FRMD3: variants seen among roughly 807,000 people sequenced by gnomAD.
The protein encoded by FRMD3 is FERM domain containing 3.
FRMD3 carries 33 observed loss-of-function variants against 70.2 expected under a neutral mutation model. The ratio of observed to expected loss-of-function variants is 0.47; its 90% CI spans 0.36 to 0.63. The LOEUF (loss-of-function observed/expected upper bound fraction) is 0.63, where lower values mean the gene tolerates loss of function less well. FRMD3 is among the 20% of genes least tolerant of loss of function. The pLI, the probability that FRMD3 is intolerant of heterozygous loss-of-function variation, is 0.00. For synonymous variants in FRMD3, 279 were observed against 255.9 expected (o/e 1.09, Z -0.86); for missense variants, 632 against 711.4 (o/e 0.89, Z 1.27).
chr9:83,266,764 G>A (rs1833274183), intron 13 of FRMD3, among the ~76,000 whole-genome samples: 2 of 152,138 alleles, frequency 1.3e-5, no homozygotes, highest in Non-Finnish European at 2.9e-5. Context: ...CTGCTGACTA[G>A]GGTGTAATTT....
chr9:83,559,034 GA>G, the FRMD3 span, among the ~76,000 whole-genome samples: 1 of 152,188 alleles, frequency 6.6e-6, no homozygotes, highest in African/African-American at 2.4e-5. Context: ...AGGATGCTGT[GA>G]CCACTGTTGA....
Position 83,313,003 on chromosome 9 carries a change from GA to G in FRMD3, c.684+656del, listed in dbSNP as rs1835422247. 2.0e-5 allele frequency among the ~76,000 whole-genome samples: 3 copies of G among 152,190 alleles called. No individual in the cohort carries two copies. In the South Asian group the frequency reaches 6.2e-4, roughly 31 times the overall value. Reference sequence around the variant, plus strand: ...GATAAAATGCTTAGTTTAGGATTAGGACTAGTGTCTGGCTGATGCATAGTCT... The same window carrying G: ...GATAAAATGCTTAGTTTAGGATTAGGCTAGTGTCTGGCTGATGCATAGTCT... On this transcript the variant is annotated intron_variant, in intron 7 of 13. Coordinates refer to ENST00000304195, the MANE Select transcript of FRMD3 (RefSeq NM_174938.6).
upstream of FRMD3, among the ~76,000 whole-genome samples, chr9:83,542,600 CT>C (rs1157541649): frequency 6.6e-6 from 1 of 152,102 alleles, no homozygotes; most frequent in African/African-American, 2.4e-5. Flanking sequence ...TATCAGCAAA[CT>C]TTTTTTAAAG....
chr9:83,313,647 G>A lies in FRMD3; in HGVS notation c.684+13C>T, dbSNP rs1035115839. 2 of 1,602,606 alleles carry A rather than the reference G, an allele frequency of 1.2e-6. No individual in the cohort carries two copies. The highest frequency in any genetic ancestry group is 1.7e-5 in the Admixed American group (1 of 60,000). The stretch of plus-strand genomic sequence containing the variant: ...CAACCATTATATGGTGACCTGCTGT[G>A]AGGGGCAGTTACCTTGCATGGGTGA... On this transcript the variant is annotated intron_variant, in intron 7 of 13. Coordinates refer to ENST00000304195, the MANE Select transcript of FRMD3 (RefSeq NM_174938.6).
At chr9:83,342,210 G>A (rs1302175862) in intron 5 of FRMD3, among the ~76,000 whole-genome samples, 1 of 152,182 alleles carries the variant, frequency 6.6e-6, no homozygotes, top group African/African-American at 2.4e-5. Context: ...TCACTTGGGT[G>A]TTGGGCCCAT....
At chr9:83,370,719 C>T (rs1247043535) in intron 3 of FRMD3, among the ~76,000 whole-genome samples, 1 of 152,154 alleles carries the variant, frequency 6.6e-6, no homozygotes, top group Non-Finnish European at 1.5e-5. Flanking sequence ...CGAGACCAGC[C>T]TGGCCAACAT....
At chr9:83,474,129 C>T (rs1306029448) in intron 1 of FRMD3, among the ~76,000 whole-genome samples, 1 of 152,140 alleles carries the variant, frequency 6.6e-6, no homozygotes, top group Non-Finnish European at 1.5e-5. Context: ...ACATGAAAAA[C>T]ACTTCAAAAA....
intron 1 of FRMD3, among the ~76,000 whole-genome samples, chr9:83,488,570 T>C (rs1253767891): frequency 1.3e-5 from 2 of 152,208 alleles, no homozygotes; most frequent in Admixed American, 6.5e-5. Flanking sequence ...AAAAATCAGA[T>C]GCCAATACTT....
intron 6 of FRMD3, among the ~76,000 whole-genome samples, chr9:83,320,080 A>G (rs1275753667): frequency 2.0e-5 from 3 of 152,298 alleles, no homozygotes; most frequent in Non-Finnish European, 2.9e-5. Context: ...GGTTTTCTAG[A>G]TAGAAACCAT....
At chr9:83,475,501 T>C (rs1316110119) in intron 1 of FRMD3, among the ~76,000 whole-genome samples, 2 of 152,172 alleles carry the variant, frequency 1.3e-5, no homozygotes, top group African/African-American at 4.8e-5. Flanking sequence ...ACAGAGTATT[T>C]GAATCTATGA....
intron 6 of FRMD3, among the ~76,000 whole-genome samples, chr9:83,317,204 AC>A: frequency 6.6e-6 from 1 of 151,602 alleles, no homozygotes; most frequent in Non-Finnish European, 1.5e-5. Flanking sequence ...ACACACACAC[AC>A]ACACACACAC....
At chr9:83,534,820 A>C (rs1829858599) in intron 1 of FRMD3, among the ~76,000 whole-genome samples, 2 of 152,222 alleles carry the variant, frequency 1.3e-5, no homozygotes, top group African/African-American at 4.8e-5. Context: ...CTGAGATGCC[A>C]GCCTCCCTGG....
chr9:83,490,377 C>T (rs890964178), intron 1 of FRMD3, among the ~76,000 whole-genome samples: 10 of 152,182 alleles, frequency 6.6e-5, no homozygotes, highest in Admixed American at 1.3e-4. Context: ...AAACCTCTGC[C>T]TTCCTGGTTC....
chr9:83,464,907 C>T (rs1336706732), intron 1 of FRMD3, among the ~76,000 whole-genome samples: 1 of 145,744 alleles, frequency 6.9e-6, no homozygotes, highest in Admixed American at 6.8e-5. Context: ...GTAATCCCAG[C>T]GACTCGGGAG....
the FRMD3 span, among the ~76,000 whole-genome samples, chr9:83,561,295 G>A: frequency 3.9e-5 from 6 of 152,308 alleles, no homozygotes; most frequent in African/African-American, 1.4e-4. Context: ...CCAAGCTCTT[G>A]CTGAATTTTT....
intron 2 of FRMD3, among the ~76,000 whole-genome samples, chr9:83,379,755 C>T (rs1165812579): frequency 6.6e-6 from 1 of 152,142 alleles, no homozygotes. Flanking sequence ...TCCTACCCCA[C>T]CTCACCCTCC....
At position 83,244,927 on chromosome 9, in the gene FRMD3, T is replaced by A; in HGVS notation, c.*2991A>T. 1.0e-6 allele frequency: 1 copy of A among 985,132 alleles called. No individual in the cohort carries two copies. The highest frequency in any genetic ancestry group is 1.2e-6 in the Non-Finnish European group (1 of 829,662). The allele number at this position is 985,132 out of a possible 1,614,324, so 61.0% of individuals were successfully genotyped here. On this transcript the variant is annotated 3_prime_UTR_variant, in exon 14 of 14. Transcript: ENST00000304195. Reference sequence around the variant, plus strand: ...CATTGTTTTCATGATCCAACTTGCATTAGCACTAAAGGCAATATTGTGTGT... The same window carrying A: ...CATTGTTTTCATGATCCAACTTGCAATAGCACTAAAGGCAATATTGTGTGT...
At chr9:83,430,006 G>A (rs1457994430) in intron 1 of FRMD3, among the ~76,000 whole-genome samples, 4 of 152,064 alleles carry the variant, frequency 2.6e-5, no homozygotes, top group South Asian at 4.2e-4. Context: ...CTTAGAATTC[G>A]GATATCGTAA....
chr9:83,268,711 G>C (rs902659284), intron 13 of FRMD3, among the ~76,000 whole-genome samples: 1 of 152,212 alleles, frequency 6.6e-6, no homozygotes, highest in Non-Finnish European at 1.5e-5. Flanking sequence ...AAGGGAAAAA[G>C]GGTGTTGCCA....
Sources: gnomAD v4.1 joint callset for allele counts (sites outside exome capture counted in the v4.1 genomes callset) on GRCh38, gnomAD v4.1.1 for gene constraint, MANE v1.5 for transcripts, NCBI Gene and HGNC (gene_info 2026-07-23, HGNC 2026-07-21) for gene names.